Variants in SPIDR observed in about 807,000 individuals in gnomAD.
The protein encoded by SPIDR is DNA repair-scaffolding protein.
In SPIDR, 93 loss-of-function variants were observed where a neutral mutation model predicts 104.6. The ratio of observed to expected loss-of-function variants is 0.89; its 90% CI spans 0.75 to 1.06. SPIDR has a LOEUF of 1.06. SPIDR is among the 50% of genes least tolerant of loss of function. SPIDR has a pLI of 0.00. For missense variants in SPIDR, 1,154 were observed against 1,111.2 expected (o/e 1.04, Z -0.55); for synonymous variants, 431 against 416.9 (o/e 1.03, Z -0.41).
In SPIDR at chr8:47,465,699, G is replaced by A. The variant is rs138914960; in HGVS notation, c.1097+25157G>A. ...TGCGCTGAGCCAGGATCACACCACT[G>A]CACTCCTGCCTGGGCAACAGAGCAA... On this transcript the variant is annotated intron_variant, in intron 8 of 19. Coordinates refer to ENST00000297423, the MANE Select transcript of SPIDR (RefSeq NM_001080394.4). 1.7e-4 allele frequency among the ~76,000 whole-genome samples: 26 copies of A among 152,176 alleles called. 1 individual carries two copies. The highest frequency in any genetic ancestry group is 6.0e-4 in the African/African-American group (25 of 41,532).
rs1481809528 is a variant in SPIDR, at chr8:47,599,195, C to T, written c.1543C>T (p.Arg515Ter). Residue 515 changes from arginine (R) to a stop codon, truncating the protein, a stop_gained and splice_region_variant, in exon 10 of 20, where the codon CGA becomes TGA. Transcript: ENST00000297423. LOFTEE classifies it high-confidence loss of function. ...SSGHTDPAGT[R>*]ACLLVQDACG... ...AGGACACACAGACCCAGCTGGAACT[C>T]GGTGAGTGCCAAGATGCTGGTGTGG... 1.9e-6 allele frequency: 3 copies of T among 1,612,924 alleles called. No individual in the cohort carries two copies. Among genetic ancestry groups the T allele is most frequent in the Non-Finnish European group, 1.7e-6 (2 of 1,179,628 alleles).
chr8:47,265,411 G>A (rs1280312750), intron 1 of SPIDR, among the ~76,000 whole-genome samples: 2 of 151,512 alleles, frequency 1.3e-5, no homozygotes, highest in African/African-American at 2.4e-5. Flanking sequence ...GGCTGGTCTC[G>A]AATTCCTGAC....
At chr8:47,572,767 T>C (rs1340408274) in intron 8 of SPIDR, among the ~76,000 whole-genome samples, 1 of 152,110 alleles carries the variant, frequency 6.6e-6, no homozygotes. Context: ...TTGAGAAACA[T>C]TTTTGAGACA....
At chr8:47,352,316 G>T (rs182448197) in intron 5 of SPIDR, among the ~76,000 whole-genome samples, 2 of 151,686 alleles carry the variant, frequency 1.3e-5, no homozygotes, top group East Asian at 1.9e-4. Flanking sequence ...TAATTTGACC[G>T]TGTACTTCTT....
At chr8:47,481,957 C>T (rs2076945965) in intron 8 of SPIDR, among the ~76,000 whole-genome samples, 1 of 152,178 alleles carries the variant, frequency 6.6e-6, no homozygotes, top group Admixed American at 6.5e-5. Context: ...CTAAAGCCAA[C>T]ATTTTTCATG....
At chr8:47,717,912 C>T (rs1207266420) in intron 16 of SPIDR, among the ~76,000 whole-genome samples, 1 of 152,180 alleles carries the variant, frequency 6.6e-6, no homozygotes, top group Non-Finnish European at 1.5e-5. Flanking sequence ...TAACACTCGG[C>T]TGCTGCCTTC....
intron 8 of SPIDR, among the ~76,000 whole-genome samples, chr8:47,573,383 C>T (rs2058736550): frequency 6.6e-6 from 1 of 152,214 alleles, no homozygotes; most frequent in African/African-American, 2.4e-5. Flanking sequence ...TCAGGCAGGG[C>T]ACACTCAGTA....
chr8:47,605,777 G>C (rs1230274584), intron 10 of SPIDR, among the ~76,000 whole-genome samples: 1 of 152,080 alleles, frequency 6.6e-6, no homozygotes, highest in Non-Finnish European at 1.5e-5. Context: ...CAAGCACTCA[G>C]TAAAAAGCAG....
chr8:47,433,421 C>T (rs1310782798), intron 7 of SPIDR, among the ~76,000 whole-genome samples: 1 of 152,192 alleles, frequency 6.6e-6, no homozygotes, highest in Admixed American at 6.5e-5. Context: ...CCTGTTTCTT[C>T]CCTGCTTCAT....
intron 10 of SPIDR, among the ~76,000 whole-genome samples, chr8:47,650,299 A>G (rs953797989): frequency 2.0e-5 from 3 of 152,226 alleles, no homozygotes; most frequent in African/African-American, 4.8e-5. Flanking sequence ...TAGCACTGCT[A>G]TACACCAACA....
chr8:47,475,145 G>A (rs1564077237), intron 8 of SPIDR, among the ~76,000 whole-genome samples: 1 of 152,168 alleles, frequency 6.6e-6, no homozygotes, highest in African/African-American at 2.4e-5. Flanking sequence ...TGTACCACTT[G>A]AAACAGCAAT....
At position 47,373,573 on chromosome 8, in the gene SPIDR, G is replaced by A. The variant is rs377395875; in HGVS notation, c.526-22803G>A. Among the ~76,000 whole-genome samples the A allele has an allele frequency of 2.0e-4, 31 of 152,042 alleles. 1 individual carries two copies. The highest frequency in any genetic ancestry group is 7.2e-4 in the African/African-American group (30 of 41,458). On this transcript the variant is annotated intron_variant, in intron 5 of 19. Transcript: ENST00000297423. The stretch of plus-strand genomic sequence containing the variant: ...CAGAACATGCAGTTTTGTTACGTAG[G>A]TATAAAAGTCAGTGCTTTTCATTAT...
chr8:47,703,113 C>T (rs2080559299), intron 14 of SPIDR, among the ~76,000 whole-genome samples: 1 of 152,200 alleles, frequency 6.6e-6, no homozygotes, highest in African/African-American at 2.4e-5. Flanking sequence ...TAAAGCACAC[C>T]CAGACCTCAT....
chr8:47,391,660 C>T (rs1002614307), intron 5 of SPIDR, among the ~76,000 whole-genome samples: 2 of 152,084 alleles, frequency 1.3e-5, no homozygotes, highest in Admixed American at 1.3e-4. Flanking sequence ...AGAAGACATT[C>T]TTGGTGTTCC....
intron 8 of SPIDR, among the ~76,000 whole-genome samples, chr8:47,494,659 T>C (rs2079183132): frequency 1.3e-5 from 2 of 152,124 alleles, no homozygotes; most frequent in Admixed American, 6.6e-5. Flanking sequence ...TGAAAGTCTT[T>C]CACAAACTGT....
intron 5 of SPIDR, among the ~76,000 whole-genome samples, chr8:47,302,296 G>A (rs1390038575): frequency 7.9e-5 from 12 of 152,180 alleles, no homozygotes; most frequent in Non-Finnish European, 8.8e-5. Flanking sequence ...TCAGCTCCAT[G>A]AGGTCCTTTA....
intron 5 of SPIDR, among the ~76,000 whole-genome samples, chr8:47,386,640 C>T (rs1398505901): frequency 6.6e-6 from 1 of 152,132 alleles, no homozygotes; most frequent in Non-Finnish European, 1.5e-5. Context: ...AGGACAGCCT[C>T]TCCCAGTACA....
chr8:47,702,061 T>C (rs2361458), intron 14 of SPIDR, 46 bp downstream of exon 14: 1 of 493,912 alleles, frequency 2.0e-6, no homozygotes, highest in Non-Finnish European at 3.5e-6. Flanking sequence ...TTTCTCTCTC[T>C]CTCTCTCTCT....
chr8:47,346,693 G>T (rs565469814), intron 5 of SPIDR, among the ~76,000 whole-genome samples: 1 of 152,166 alleles, frequency 6.6e-6, no homozygotes, highest in Admixed American at 6.5e-5. Context: ...TCTTGGGAGG[G>T]TGTATGTTTG....
Sources: allele counts gnomAD v4.1 joint callset (sites outside exome capture counted in the v4.1 genomes callset), GRCh38; gene constraint gnomAD v4.1.1; transcripts MANE v1.5; gene names NCBI Gene and HGNC (gene_info 2026-07-23, HGNC 2026-07-21).